ACTL6A: variants seen among roughly 807,000 people sequenced by gnomAD.
ACTL6A encodes actin-like protein 6A.
A neutral mutation model predicts 59.2 loss-of-function variants in ACTL6A; 5 were observed. The ratio of observed to expected loss-of-function variants is 0.08; its 90% CI spans 0.04 to 0.18. ACTL6A has a LOEUF of 0.18. Among genes scored for constraint, ACTL6A ranks in the 10% least tolerant of loss-of-function variants. The pLI is 1.00. For missense variants in ACTL6A, 285 were observed against 526.9 expected (o/e 0.54, Z 4.49); for synonymous variants, 154 against 171.8 (o/e 0.90, Z 0.81).
chr3:179,563,311 C>T (rs1192928181), intron 1 of ACTL6A, 194 bp downstream of exon 1: 9 of 955,212 alleles, frequency 9.4e-6, no homozygotes, highest in Non-Finnish European at 1.2e-5. Flanking sequence ...CCTCGGGCTC[C>T]CTGAAGTGGC....
At chr3:179,574,513 A>G in intron 5 of ACTL6A, 46 bp downstream of exon 5, 1 of 1,268,792 alleles carries the variant, frequency 7.9e-7, no homozygotes, top group Non-Finnish European at 1.2e-6. Flanking sequence ...TATGTACGAT[A>G]CTAATGAATA....
intron 5 of ACTL6A, chr3:179,575,603 G>A (rs1718144022): frequency 2.7e-6 from 1 of 372,796 alleles, no homozygotes; most frequent in Non-Finnish European, 5.2e-6. Flanking sequence ...ATGAGTGAAT[G>A]TCCCTACTCC....
At chr3:179,579,606 G>A (rs1311792450) in intron 8 of ACTL6A, among the ~76,000 whole-genome samples, 1 of 152,016 alleles carries the variant, frequency 6.6e-6, no homozygotes, top group East Asian at 1.9e-4. Flanking sequence ...TGGCCAACAT[G>A]GTGAGACCCC....
intron 12 of ACTL6A, among the ~76,000 whole-genome samples, chr3:179,584,924 T>C (rs934777528): frequency 2.6e-5 from 4 of 152,194 alleles, no homozygotes; most frequent in African/African-American, 9.7e-5. Flanking sequence ...TAATAGTCTT[T>C]TAGCTTCCCA....
intron 2 of ACTL6A, 26 bp downstream of exon 2, chr3:179,569,926 G>A: frequency 6.2e-7 from 1 of 1,605,018 alleles, no homozygotes; most frequent in Non-Finnish European, 8.5e-7. Flanking sequence ...GAGTTAATTG[G>A]ATATGTAAAG....
chr3:179,586,488 A>T, intron 12 of ACTL6A, 58 bp from the exon 13 acceptor site: 2 of 1,211,984 alleles, frequency 1.7e-6, no homozygotes, highest in Non-Finnish European at 2.3e-6. Context: ...AAAAAAAAAG[A>T]ATTTTCTAAG....
rs978442767 is a variant in ACTL6A, at chr3:179,570,560, G to A, written c.277+319G>A. On this transcript the variant is annotated intron_variant, in intron 3 of 13. Transcript: ENST00000429709. The surrounding 1 kb of genome is among the most constrained non-coding windows in gnomAD (Gnocchi z 4.3). The stretch of plus-strand genomic sequence containing the variant: ...GAGGTATTTGACTCTAGTGTTGGGA[G>A]TCAGTGATGGTTTTCACAAAGGAGG... Among the ~76,000 whole-genome samples the A allele has an allele frequency of 1.3e-5, 2 of 152,212 alleles. No homozygotes were observed. The highest frequency in any genetic ancestry group is 4.8e-5 in the African/African-American group (2 of 41,456).
At chr3:179,578,419 G>A (rs551840935) in intron 8 of ACTL6A, among the ~76,000 whole-genome samples, 5 of 152,170 alleles carry the variant, frequency 3.3e-5, no homozygotes, top group South Asian at 4.1e-4. Context: ...GTGCCACTGC[G>A]CTCCTGCCTG....
intron 8 of ACTL6A, among the ~76,000 whole-genome samples, chr3:179,578,013 A>G (rs1484468643): frequency 2.6e-5 from 4 of 152,104 alleles, no homozygotes; most frequent in African/African-American, 9.7e-5. Flanking sequence ...CAGTAATGAG[A>G]TTGCCAGGTC....
chr3:179,563,868 C>T (rs947235062), intron 1 of ACTL6A, among the ~76,000 whole-genome samples: 1 of 152,098 alleles, frequency 6.6e-6, no homozygotes, highest in African/African-American at 2.4e-5. Context: ...AGGAAGATTA[C>T]CAGGTGCCGG....
At position 179,562,945 on chromosome 3, in the gene ACTL6A, G is replaced by A. The variant is rs918130227; in HGVS notation, c.-148G>A. 2.8e-4 allele frequency: 275 copies of A among 984,042 alleles called. No homozygotes were observed. Among genetic ancestry groups the A allele is most frequent in the Non-Finnish European group, 2.6e-4 (165 of 642,656 alleles). 61.0% of individuals were successfully genotyped at this position (984,042 alleles called of 1,614,324 possible). ...GCCAGCAAGTGTGGCTGAGCTCCGG[G>A]GTGTGTGGACGCCGCTTTGTTGCCT... On this transcript the variant is annotated 5_prime_UTR_variant, in exon 1 of 14. Transcript: ENST00000429709.
At chr3:179,584,731 G>A (rs554049139) in intron 12 of ACTL6A, among the ~76,000 whole-genome samples, 2 of 152,190 alleles carry the variant, frequency 1.3e-5, no homozygotes, top group Middle Eastern at 3.4e-3. Context: ...GTTGCAGTAA[G>A]CCGAGATCAT....
intron 8 of ACTL6A, among the ~76,000 whole-genome samples, chr3:179,577,517 G>C (rs1352016604): frequency 6.6e-6 from 1 of 152,046 alleles, no homozygotes; most frequent in South Asian, 2.1e-4. Flanking sequence ...TTAGGTTCAG[G>C]GGTACATGTG....
At chr3:179,576,564 C>A (rs2292907) in intron 6 of ACTL6A, 56 bp from the exon 7 acceptor site, 113,052 of 1,335,012 alleles carry the variant, frequency 0.085, 5,521 homozygotes, top group South Asian at 0.16. Context: ...AGAGGAAATT[C>A]GTTCAAGGAA....
At chr3:179,580,217 C>T (rs538410575) in intron 8 of ACTL6A, among the ~76,000 whole-genome samples, 1 of 152,276 alleles carries the variant, frequency 6.6e-6, no homozygotes, top group African/African-American at 2.4e-5. Flanking sequence ...TTTTATTAAA[C>T]TGTTTTATAC....
intron 8 of ACTL6A, among the ~76,000 whole-genome samples, chr3:179,578,952 C>T (rs899083712): frequency 6.6e-6 from 1 of 152,018 alleles, no homozygotes; most frequent in African/African-American, 2.4e-5. Context: ...TCTTAGTTGG[C>T]CAGGCTGGTC....
In ACTL6A at chr3:179,580,817, A is replaced by G. The variant is rs1404584148; in HGVS notation, c.831-77A>G. On this transcript the variant is annotated intron_variant, in intron 9 of 13. Coordinates refer to ENST00000429709, the MANE Select transcript of ACTL6A (RefSeq NM_004301.5). ...CTCCCTTTTTTTTTTTTACAAGTTT[A>G]TAATTCCCTAGTAGTTTATAATTTT... The G allele has an allele frequency of 2.1e-6, 3 of 1,419,412 alleles. No individual in the cohort carries two copies. The South Asian group carries it at 3.8e-5, about 18-fold the overall frequency. The allele number at this position is 1,419,412 out of a possible 1,614,324, so 87.9% of individuals were successfully genotyped here. A position where few individuals can be genotyped will look rare whatever the true frequency, so the allele number is the denominator to read the frequency against.
At chr3:179,582,742 A>G (rs1049684834) in intron 11 of ACTL6A, among the ~76,000 whole-genome samples, 3 of 152,176 alleles carry the variant, frequency 2.0e-5, no homozygotes, top group Admixed American at 6.6e-5. Flanking sequence ...TTGTAATTTT[A>G]ATTTTTGGCT....
chr3:179,574,507 T>C, intron 5 of ACTL6A, 40 bp downstream of exon 5: 1 of 1,308,074 alleles, frequency 7.6e-7, no homozygotes, highest in Non-Finnish European at 1.1e-6. Flanking sequence ...TTGAAGTATG[T>C]ACGATACTAA....
Sources: allele counts gnomAD v4.1 joint callset (sites outside exome capture counted in the v4.1 genomes callset), GRCh38; gene constraint gnomAD v4.1.1; non-coding constraint Gnocchi (gnomAD v3.1); transcripts MANE v1.5; gene names NCBI Gene and HGNC (gene_info 2026-07-23, HGNC 2026-07-21).